The following TRPM7 variants were observed in gnomAD, a reference collection of about 807,000 sequenced individuals.
The protein encoded by TRPM7 is transient receptor potential cation channel subfamily M member 7.
A neutral mutation model predicts 229.7 loss-of-function variants in TRPM7; 134 were observed. That is an observed-to-expected ratio of 0.58 (90% CI 0.51 to 0.67). TRPM7 has a LOEUF of 0.67. Ranked by LOEUF, TRPM7 falls within the 30% of genes least tolerant of loss-of-function variation. The probability of loss-of-function intolerance (pLI) is 0.00; values close to 1 mark genes in which losing one functional copy is unlikely to be tolerated. For synonymous variants in TRPM7, 699 were observed against 715.2 expected (o/e 0.98, Z 0.36); for missense variants, 1,901 against 2,210.0 (o/e 0.86, Z 2.80).
chr15:50,609,517 G>T, intron 19 of TRPM7, 64 bp downstream of exon 19: 1 of 1,466,172 alleles, frequency 6.8e-7, no homozygotes, highest in South Asian at 1.4e-5. Context: ...TATGGATTCC[G>T]AACCAATGGT....
intron 22 of TRPM7, among the ~76,000 whole-genome samples, chr15:50,597,300 C>T (rs564517334): frequency 1.3e-4 from 20 of 152,064 alleles, no homozygotes; most frequent in African/African-American, 4.1e-4. Flanking sequence ...TTAGGCAGGG[C>T]GAGGATTAGA....
chr15:50,634,398 G>C lies in TRPM7; in HGVS notation c.991C>G (p.Gln331Glu). ...AADLLAYIHK[Q>E]TEEGGNLPDA... ...TACACTTACCCTCCTTCTTCTGTTT[G>C]TTTATGAATATACGCTAGCAGATCT... Residue 331 changes from glutamine (Q) to glutamate (E), a missense_variant, in exon 8 of 39, where the codon CAA (glutamine) becomes GAA (glutamate). This residue lies in a region of TRPM7 where 794 missense variants were observed against 881.9 expected (regional missense o/e 0.90). Coordinates refer to ENST00000646667, the MANE Select transcript of TRPM7 (RefSeq NM_017672.6). 6.4e-7 allele frequency: 1 copy of C among 1,569,290 alleles called. No homozygotes were observed. Among genetic ancestry groups the C allele is most frequent in the Non-Finnish European group, 8.6e-7 (1 of 1,162,404 alleles).
chr15:50,567,277 T>A (rs2053642907), intron 38 of TRPM7, among the ~76,000 whole-genome samples: 1 of 152,142 alleles, frequency 6.6e-6, no homozygotes, highest in African/African-American at 2.4e-5. Flanking sequence ...GCTGCACCCA[T>A]CAACTCGTCA....
chr15:50,646,600 A>C (rs1389815335), intron 4 of TRPM7, among the ~76,000 whole-genome samples: 1 of 152,172 alleles, frequency 6.6e-6, no homozygotes, highest in African/African-American at 2.4e-5. Flanking sequence ...GTTCAAATCT[A>C]AATAAATAAT....
At chr15:50,590,016 CCTGA>C (rs1375068797) in intron 26 of TRPM7, among the ~76,000 whole-genome samples, 2 of 152,066 alleles carry the variant, frequency 1.3e-5, no homozygotes, top group African/African-American at 2.4e-5. Flanking sequence ...TGCCACCATG[CCTGA>C]CTAATTTTTG....
Position 50,570,135 on chromosome 15 carries a change from C to T in TRPM7, c.5329G>A (p.Asp1777Asn). 3 of 1,608,810 alleles carry T rather than the reference C, an allele frequency of 1.9e-6. No homozygotes were observed. The highest frequency in any genetic ancestry group is 1.7e-6 in the Non-Finnish European group (2 of 1,177,844). ...DLQGVGENLT[D>N]PSVIKAEEKR... is the part of the protein sequence containing the mutation. ...TCTTCTGCTTTTATCACAGATGGGTCAGTCAAATTTTCACCAACACCTTTA... is the reference window on the plus strand; with the variant it reads ...TCTTCTGCTTTTATCACAGATGGGTTAGTCAAATTTTCACCAACACCTTTA... The change falls in exon 37 of 39, where the codon GAC (aspartate) becomes AAC (asparagine). Residue 1777 changes from aspartate to asparagine, a missense_variant. By Grantham distance (23) the Asp-to-Asn change is conservative. This residue lies in a region of TRPM7 where 257 missense variants were observed against 352.0 expected (regional missense o/e 0.73). Transcript: ENST00000646667.
intron 38 of TRPM7, among the ~76,000 whole-genome samples, chr15:50,566,748 T>C (rs778509046): frequency 6.6e-6 from 1 of 152,012 alleles, no homozygotes; most frequent in Non-Finnish European, 1.5e-5. Context: ...GTTTCTACTT[T>C]AATAAACTAG....
intron 3 of TRPM7, 80 bp from the exon 4 acceptor site, chr15:50,648,965 G>A (rs552137649): frequency 1.6e-4 from 170 of 1,073,698 alleles, no homozygotes; most frequent in Middle Eastern, 9.6e-4. Flanking sequence ...TGAATGAACC[G>A]ACAAATATAA....
intron 2 of TRPM7, among the ~76,000 whole-genome samples, chr15:50,658,050 G>A (rs1181052403): frequency 2.0e-5 from 3 of 149,456 alleles, no homozygotes; most frequent in Admixed American, 6.7e-5. Context: ...TGTTGCCCAG[G>A]CTGGAGTCCA....
Position 50,583,144 on chromosome 15 carries a change from C to A in TRPM7, c.4502G>T (p.Arg1501Ile). 1 of 1,592,410 alleles carries A rather than the reference C, an allele frequency of 6.3e-7. No individual in the cohort carries two copies. The highest frequency in any genetic ancestry group is 8.5e-7 in the Non-Finnish European group (1 of 1,176,624). Residue 1501 changes from arginine to isoleucine, a missense_variant, in exon 29 of 39, where the codon AGA becomes ATA. By Grantham distance (97) the Arg-to-Ile change is moderately conservative. Transcript: ENST00000646667. ...ATGAGTGTCTTCGGTAGATGGCCTT[C>A]TACTGATTTTTTCTGCTAAAAGAAA... Reference protein sequence around the residue: ...VHSKQAEKISRRPSTEDTHEV... With the variant: ...VHSKQAEKISIRPSTEDTHEV...
chr15:50,571,419 G>C (rs1490500035), intron 36 of TRPM7, among the ~76,000 whole-genome samples: 7 of 152,228 alleles, frequency 4.6e-5, no homozygotes, highest in African/African-American at 1.7e-4. Context: ...TTTGCTGCAA[G>C]CACTGTTTGT....
chr15:50,636,016 T>A (rs754474210), intron 7 of TRPM7, among the ~76,000 whole-genome samples: 12 of 151,360 alleles, frequency 7.9e-5, no homozygotes, highest in Non-Finnish European at 1.5e-4. Context: ...AAAGAAGAAA[T>A]TGATGACAGA....
chr15:50,670,810 G>GAAAAAAAAAA, intron 1 of TRPM7, among the ~76,000 whole-genome samples: 1 of 113,512 alleles, frequency 8.8e-6, no homozygotes, highest in Non-Finnish European at 1.9e-5. Flanking sequence ...AAAAGAAAAA[G>GAAAAAAAAAA]AAAAAAAAAA....
chr15:50,673,094 T>C (rs1224975175), intron 1 of TRPM7, among the ~76,000 whole-genome samples: 1 of 152,030 alleles, frequency 6.6e-6, no homozygotes, highest in Admixed American at 6.6e-5. Context: ...AAATACTTTT[T>C]ATAAATTTAG....
intron 21 of TRPM7, among the ~76,000 whole-genome samples, chr15:50,601,724 T>C (rs1287717632): frequency 3.9e-5 from 6 of 152,078 alleles, no homozygotes; most frequent in Admixed American, 6.5e-5. Flanking sequence ...AAGTTTAGCA[T>C]TTACCATATA....
At chr15:50,673,650 A>T (rs2062037659) in intron 1 of TRPM7, among the ~76,000 whole-genome samples, 1 of 151,676 alleles carries the variant, frequency 6.6e-6, no homozygotes, top group South Asian at 2.1e-4. Flanking sequence ...ATATATATAT[A>T]CCACAGTTTC....
At chr15:50,675,277 A>G (rs1322658813) in intron 1 of TRPM7, among the ~76,000 whole-genome samples, 2 of 151,934 alleles carry the variant, frequency 1.3e-5, no homozygotes, top group Non-Finnish European at 2.9e-5. Flanking sequence ...CAGGACACAG[A>G]GGTTGCAGTG....
chr15:50,592,754 G>A (rs1161575937), intron 25 of TRPM7, 128 bp from the exon 26 acceptor site: 1 of 642,744 alleles, frequency 1.6e-6, no homozygotes, highest in Non-Finnish European at 2.6e-6. Flanking sequence ...ATAAAATAAG[G>A]TACAGTTATT....
chr15:50,570,891 T>C (rs1323949344), intron 36 of TRPM7, among the ~76,000 whole-genome samples: 1 of 151,752 alleles, frequency 6.6e-6, no homozygotes, highest in East Asian at 1.9e-4. Flanking sequence ...AACAAGTGTT[T>C]GGGATTTAAG....
Sources: gnomAD v4.1 joint callset for allele counts (sites outside exome capture counted in the v4.1 genomes callset) on GRCh38, gnomAD v4.1.1 for gene constraint, gnomAD v4.1.1 regional missense constraint, MANE v1.5 for transcripts, NCBI Gene and HGNC (gene_info 2026-07-23, HGNC 2026-07-21) for gene names.